Variants in PHACTR1 observed in about 807,000 individuals in gnomAD.
The protein encoded by PHACTR1 is RPEL repeat containing 1.
PHACTR1 carries 16 observed loss-of-function variants against 69.2 expected under a neutral mutation model. The observed-to-expected ratio is 0.23, with a 90% CI of 0.16 to 0.35. The LOEUF is 0.35. Among genes scored for constraint, PHACTR1 ranks in the 10% least tolerant of loss-of-function variants. The pLI is 1.00. For synonymous variants in PHACTR1, 312 were observed against 284.5 expected (o/e 1.10, Z -0.97); for missense variants, 510 against 734.7 (o/e 0.69, Z 3.54).
intron 4 of PHACTR1, among the ~76,000 whole-genome samples, chr6:12,851,726 A>G (rs1360962888): frequency 1.3e-5 from 2 of 152,202 alleles, no homozygotes; most frequent in Non-Finnish European, 2.9e-5. Context: ...AAAAAATAAA[A>G]ATCTTACACA....
intron 4 of PHACTR1, among the ~76,000 whole-genome samples, chr6:12,843,319 A>C (rs1001167863): frequency 6.6e-6 from 1 of 152,154 alleles, no homozygotes; most frequent in Admixed American, 6.5e-5. Context: ...ATTGTTTCCC[A>C]TTTCAGTGAC....
intron 10 of PHACTR1, among the ~76,000 whole-genome samples, chr6:13,247,364 T>TGTGA (rs1554171040): frequency 7.5e-4 from 112 of 150,076 alleles, no homozygotes; most frequent in South Asian, 4.2e-3. Flanking sequence ...TGTGTGTGTG[T>TGTGA]GACGGAGTTT....
intron 4 of PHACTR1, among the ~76,000 whole-genome samples, chr6:12,858,263 G>C (rs948004161): frequency 1.3e-5 from 2 of 152,098 alleles, no homozygotes; most frequent in Non-Finnish European, 2.9e-5. Flanking sequence ...TTCTGGTCAG[G>C]GTCCCAGTGC....
intron 4 of PHACTR1, among the ~76,000 whole-genome samples, chr6:13,052,905 T>C (rs1404300492): frequency 2.0e-5 from 3 of 152,230 alleles, no homozygotes; most frequent in African/African-American, 7.2e-5. Flanking sequence ...GCAGTGGGTA[T>C]TGGAGACGTT....
chr6:13,095,230 C>T (rs1004259392), intron 5 of PHACTR1, among the ~76,000 whole-genome samples: 2 of 152,198 alleles, frequency 1.3e-5, no homozygotes, highest in South Asian at 2.1e-4. Context: ...AGACTGATAA[C>T]GCTATTTCCA....
chr6:13,271,446 G>C (rs1265353183), intron 10 of PHACTR1, among the ~76,000 whole-genome samples: 1 of 151,864 alleles, frequency 6.6e-6, no homozygotes, highest in Non-Finnish European at 1.5e-5. Flanking sequence ...ATTGATTCTG[G>C]CCCAGCACAA....
chr6:12,863,531 T>C (rs2127428962), intron 4 of PHACTR1, among the ~76,000 whole-genome samples: 1 of 152,324 alleles, frequency 6.6e-6, no homozygotes, highest in East Asian at 1.9e-4. Flanking sequence ...ACTATTGTTT[T>C]TATTAAGCCA....
intron 5 of PHACTR1, among the ~76,000 whole-genome samples, chr6:13,149,355 A>G (rs762070640): frequency 1.4e-4 from 22 of 152,178 alleles, no homozygotes; most frequent in Admixed American, 5.9e-4. Flanking sequence ...GTGATTCTCC[A>G]GCAGTACATG....
intron 5 of PHACTR1, among the ~76,000 whole-genome samples, chr6:13,084,547 TA>T (rs889712692): frequency 3.4e-5 from 5 of 149,052 alleles, no homozygotes; most frequent in East Asian, 2.0e-4. Context: ...TAATACAAAT[TA>T]AAAAAAAAGA....
At chr6:12,778,085 T>C (rs1770323822) in intron 4 of PHACTR1, among the ~76,000 whole-genome samples, 1 of 151,802 alleles carries the variant, frequency 6.6e-6, no homozygotes, top group Non-Finnish European at 1.5e-5. Flanking sequence ...GAGTCAGGTG[T>C]GGATCCTTTT....
At chr6:12,831,319 AG>A (rs943427543) in intron 4 of PHACTR1, among the ~76,000 whole-genome samples, 8 of 152,210 alleles carry the variant, frequency 5.3e-5, no homozygotes, top group African/African-American at 1.7e-4. Context: ...GTTAGAAAAT[AG>A]AAAGGATCAT....
At chr6:13,060,104 C>T (rs1362777863) in intron 5 of PHACTR1, among the ~76,000 whole-genome samples, 1 of 152,050 alleles carries the variant, frequency 6.6e-6, no homozygotes, top group Admixed American at 6.6e-5. Context: ...TGGTGGACAC[C>T]AAGAACAGAA....
At chr6:12,782,626 A>C (rs1000199431) in intron 4 of PHACTR1, among the ~76,000 whole-genome samples, 2 of 152,218 alleles carry the variant, frequency 1.3e-5, no homozygotes, top group Non-Finnish European at 2.9e-5. Flanking sequence ...GAAAAGAACT[A>C]ATAACAACTT....
intron 8 of PHACTR1, among the ~76,000 whole-genome samples, chr6:13,217,241 T>C (rs1767820314): frequency 6.6e-6 from 1 of 152,214 alleles, no homozygotes; most frequent in Non-Finnish European, 1.5e-5. Context: ...ATTTCGCAGC[T>C]GCCTGGGAGG....
intron 10 of PHACTR1, among the ~76,000 whole-genome samples, chr6:13,264,290 G>A (rs1445969602): frequency 6.6e-6 from 1 of 152,054 alleles, no homozygotes; most frequent in Non-Finnish European, 1.5e-5. Flanking sequence ...TGGATCCCAA[G>A]CCCTCCTACC....
chr6:12,749,875 C>A, intron 4 of PHACTR1, 85 bp downstream of exon 4: 1 of 1,300,194 alleles, frequency 7.7e-7, no homozygotes. Flanking sequence ...TCCCGGGCGT[C>A]CTCCCCGCCG....
intron 4 of PHACTR1, among the ~76,000 whole-genome samples, chr6:12,751,123 G>C (rs1766569338): frequency 6.6e-6 from 1 of 152,224 alleles, no homozygotes; most frequent in Non-Finnish European, 1.5e-5. Context: ...CACTGACTAA[G>C]CAACCATACC....
chr6:12,841,966 TC>T (rs1778743437), intron 4 of PHACTR1, among the ~76,000 whole-genome samples: 1 of 152,224 alleles, frequency 6.6e-6, no homozygotes, highest in Non-Finnish European at 1.5e-5. Flanking sequence ...TTTGATCTCA[TC>T]TTGAATCTGT....
At chr6:12,869,561 C>T (rs183853711) in intron 4 of PHACTR1, among the ~76,000 whole-genome samples, 1 of 152,300 alleles carries the variant, frequency 6.6e-6, no homozygotes, top group East Asian at 1.9e-4. Flanking sequence ...CCCTGATGAT[C>T]TAGCCCTATG....
Sources: allele counts gnomAD v4.1 joint callset (sites outside exome capture counted in the v4.1 genomes callset), GRCh38; gene constraint gnomAD v4.1.1; transcripts MANE v1.5; gene names NCBI Gene and HGNC (gene_info 2026-07-23, HGNC 2026-07-21).